The following TBC1D32 variants were observed in gnomAD, a reference collection of about 807,000 sequenced individuals.
TBC1D32 encodes protein broad-minded.
A neutral mutation model predicts 170.3 loss-of-function variants in TBC1D32; 151 were observed. That is an observed-to-expected ratio of 0.89 (90% CI 0.78 to 1.01). TBC1D32 has a LOEUF of 1.01. Among genes scored for constraint, TBC1D32 ranks in the 50% least tolerant of loss-of-function variants. The pLI is 0.00. For missense variants in TBC1D32, 1,464 were observed against 1,457.1 expected (o/e 1.00, Z -0.08); for synonymous variants, 498 against 488.0 (o/e 1.02, Z -0.27).
At chr6:121,161,582 T>C (rs1294646752) in intron 22 of TBC1D32, among the ~76,000 whole-genome samples, 1 of 152,214 alleles carries the variant, frequency 6.6e-6, no homozygotes, top group Non-Finnish European at 1.5e-5. Context: ...ACATTTTCTA[T>C]CATTGATGGG....
intron 2 of TBC1D32, among the ~76,000 whole-genome samples, chr6:121,320,810 TAC>T (rs1370648571): frequency 5.9e-5 from 9 of 152,198 alleles, no homozygotes; most frequent in Non-Finnish European, 1.2e-4. Context: ...TACTTTAAAA[TAC>T]AGTCATTAAT....
At chr6:121,131,129 A>T (rs1012869251) in intron 25 of TBC1D32, among the ~76,000 whole-genome samples, 3 of 152,078 alleles carry the variant, frequency 2.0e-5, no homozygotes, top group Admixed American at 1.3e-4. Context: ...ATGTTAATTT[A>T]AAAAATGATG....
At chr6:121,289,472 C>T (rs913194332) in intron 12 of TBC1D32, among the ~76,000 whole-genome samples, 2 of 152,116 alleles carry the variant, frequency 1.3e-5, no homozygotes, top group Non-Finnish European at 2.9e-5. Flanking sequence ...TCAAGGAGAA[C>T]TACAAACCAC....
chr6:121,321,928 A>G (rs561195832), intron 1 of TBC1D32, 134 bp from the exon 2 acceptor site: 2 of 858,814 alleles, frequency 2.3e-6, no homozygotes, highest in South Asian at 2.5e-5. Flanking sequence ...ATCACAAATC[A>G]TCAAGCTAAT....
At chr6:121,267,800 C>T (rs1445903591) in intron 15 of TBC1D32, among the ~76,000 whole-genome samples, 1 of 152,098 alleles carries the variant, frequency 6.6e-6, no homozygotes, top group East Asian at 1.9e-4. Flanking sequence ...AAGTGGGTCC[C>T]TCCCTCCTCA....
intron 15 of TBC1D32, among the ~76,000 whole-genome samples, chr6:121,260,825 C>T (rs1178822339): frequency 6.6e-6 from 1 of 152,116 alleles, no homozygotes; most frequent in African/African-American, 2.4e-5. Context: ...CATCTGAGCT[C>T]GCTGGGGGAG....
chr6:121,135,012 CTAAAT>C lies in TBC1D32; in HGVS notation c.2774-3265_2774-3261del, dbSNP rs539844182. ...AGTGCAAAAATAATCTAAAGACTGG[CTAAAT>C]TAAAAGTGCAGCCTACAAGTAGGCT... On this transcript the variant is annotated intron_variant, in intron 24 of 31. Transcript: ENST00000398212. Among the ~76,000 whole-genome samples the C allele has an allele frequency of 2.3e-3, 350 of 152,190 alleles. 4 individuals are homozygous for C. Among genetic ancestry groups the C allele is most frequent in the African/African-American group, 7.9e-3 (329 of 41,540 alleles).
At chr6:121,266,745 G>T (rs1263147767) in intron 15 of TBC1D32, among the ~76,000 whole-genome samples, 1 of 152,074 alleles carries the variant, frequency 6.6e-6, no homozygotes, top group Non-Finnish European at 1.5e-5. Context: ...AAATGAATGA[G>T]CTCATGTCCT....
intron 22 of TBC1D32, among the ~76,000 whole-genome samples, chr6:121,183,905 A>G (rs1480016513): frequency 6.6e-6 from 1 of 152,038 alleles, no homozygotes; most frequent in Non-Finnish European, 1.5e-5. Context: ...CACAGACAAT[A>G]CACACTATGT....
intron 24 of TBC1D32, among the ~76,000 whole-genome samples, chr6:121,154,375 G>T (rs1471603577): frequency 2.0e-5 from 3 of 152,168 alleles, no homozygotes; most frequent in Non-Finnish European, 4.4e-5. Context: ...TGGAAGTGCA[G>T]AAATCACCCG....
intron 31 of TBC1D32, among the ~76,000 whole-genome samples, chr6:121,086,863 G>T (rs1776317256): frequency 6.6e-6 from 1 of 152,212 alleles, no homozygotes. Context: ...CTGTTTGTGT[G>T]TGTGTATGCG....
intron 17 of TBC1D32, among the ~76,000 whole-genome samples, chr6:121,244,019 G>A (rs1361640294): frequency 1.3e-5 from 2 of 151,778 alleles, no homozygotes; most frequent in African/African-American, 4.8e-5. Context: ...AGTAAGAGAG[G>A]GAGAAAAGCA....
intron 15 of TBC1D32, 132 bp downstream of exon 15, chr6:121,278,989 G>T: frequency 3.1e-6 from 3 of 970,230 alleles, no homozygotes; most frequent in Non-Finnish European, 4.4e-6. Context: ...CAGACGTCAA[G>T]TTCTACTCTG....
intron 12 of TBC1D32, among the ~76,000 whole-genome samples, chr6:121,289,034 T>C (rs946234706): frequency 1.3e-4 from 20 of 152,116 alleles, no homozygotes; most frequent in African/African-American, 4.6e-4. Context: ...ATGACAAACC[T>C]ACAGCCAATA....
chr6:121,122,011 A>C (rs971158195), intron 26 of TBC1D32, among the ~76,000 whole-genome samples: 6 of 151,970 alleles, frequency 3.9e-5, no homozygotes, highest in African/African-American at 1.4e-4. Context: ...AAGTATCTCA[A>C]ACAACAAAAA....
At chr6:121,260,022 C>T (rs1220182648) in intron 15 of TBC1D32, among the ~76,000 whole-genome samples, 2 of 152,082 alleles carry the variant, frequency 1.3e-5, no homozygotes, top group African/African-American at 4.8e-5. Context: ...TCCCACTAGG[C>T]TTATACTCCT....
At chr6:121,162,183 A>G (rs2128245935) in intron 22 of TBC1D32, among the ~76,000 whole-genome samples, 1 of 152,292 alleles carries the variant, frequency 6.6e-6, no homozygotes, top group Non-Finnish European at 1.5e-5. Flanking sequence ...GTTGTACAGA[A>G]GCTTTTTAGT....
intron 25 of TBC1D32, among the ~76,000 whole-genome samples, chr6:121,128,725 T>C (rs1287848981): frequency 6.6e-6 from 1 of 152,166 alleles, no homozygotes; most frequent in Non-Finnish European, 1.5e-5. Flanking sequence ...ACACGTGGGT[T>C]TTCTGCTGAG....
At position 121,205,227 on chromosome 6, in the gene TBC1D32, C is replaced by G. The variant is rs147945971; in HGVS notation, c.2482-64G>C. Reference sequence around the variant, plus strand: ...TATCATTTAAAGAAAATTAAGTCAACAACAATTTATTTAGATTTGTGGCTC... The same window carrying G: ...TATCATTTAAAGAAAATTAAGTCAAGAACAATTTATTTAGATTTGTGGCTC... On this transcript the variant is annotated intron_variant, in intron 21 of 31. Transcript: ENST00000398212. 2.4e-3 allele frequency: 1,872 copies of G among 794,034 alleles called. 8 individuals carry two copies. Among genetic ancestry groups the G allele is most frequent in the Middle Eastern group, 8.9e-3 (36 of 4,042 alleles). 49.2% of individuals were successfully genotyped at this position (794,034 alleles called of 1,614,324 possible).
Sources: allele counts gnomAD v4.1 joint callset (sites outside exome capture counted in the v4.1 genomes callset), GRCh38; gene constraint gnomAD v4.1.1; transcripts MANE v1.5; gene names NCBI Gene and HGNC (gene_info 2026-07-23, HGNC 2026-07-21).